Variants in HSF5 observed in about 807,000 individuals in gnomAD.
The protein encoded by HSF5 is heat shock transcription factor 5.
HSF5 carries 5 observed loss-of-function variants against 50.8 expected under a neutral mutation model. The ratio of observed to expected loss-of-function variants is 0.10; its 90% CI spans 0.05 to 0.21. The LOEUF (loss-of-function observed/expected upper bound fraction) is 0.21, where lower values mean the gene tolerates loss of function less well. HSF5 is among the 10% of genes least tolerant of loss of function. HSF5 has a pLI of 1.00. For missense variants in HSF5, 564 were observed against 762.6 expected (o/e 0.74, Z 3.07); for synonymous variants, 307 against 307.4 (o/e 1.00, Z 0.02).
chr17:58,477,116 C>CTTT (rs34246837), intron 2 of HSF5, among the ~76,000 whole-genome samples: 1 of 133,760 alleles, frequency 7.5e-6, no homozygotes, highest in Non-Finnish European at 1.6e-5. Context: ...TATATATATA[C>CTTT]TTTTTTTTTT....
intron 5 of HSF5, among the ~76,000 whole-genome samples, chr17:58,447,880 TG>T (rs1428219772): frequency 6.6e-6 from 1 of 152,182 alleles, no homozygotes; most frequent in Non-Finnish European, 1.5e-5. Flanking sequence ...CTGGGCGCAG[TG>T]GCTCATGCCT....
At chr17:58,454,120 C>T (rs1451593683) in intron 5 of HSF5, among the ~76,000 whole-genome samples, 1 of 152,014 alleles carries the variant, frequency 6.6e-6, no homozygotes, top group Non-Finnish European at 1.5e-5. Context: ...AAACCAGAGA[C>T]CTTTGTTCAC....
rs1365861649 is a variant in HSF5 at position 58,421,845 on chromosome 17, C to T, written c.*515G>A. The T allele has an allele frequency of 6.5e-6, 1 of 152,684 alleles. No individual in the cohort carries two copies. Among genetic ancestry groups the T allele is most frequent in the African/African-American group, 2.4e-5 (1 of 41,432 alleles). 9.5% of individuals were successfully genotyped at this position (152,684 alleles called of 1,614,324 possible). A position where few individuals can be genotyped will look rare whatever the true frequency, so the allele number is the denominator to read the frequency against. On this transcript the variant is annotated 3_prime_UTR_variant, in exon 6 of 6. Coordinates refer to ENST00000323777, the MANE Select transcript of HSF5 (RefSeq NM_001080439.3). ...ATCACTTAGAAAATTAGCTCTTCTC[C>T]AGAGTTTCTTCCCTGGAATTCCTGA...
intron 5 of HSF5, among the ~76,000 whole-genome samples, chr17:58,452,876 A>T (rs1255712537): frequency 1.0e-4 from 2 of 19,782 alleles, no homozygotes; most frequent in African/African-American, 3.1e-4. Context: ...TGGGGAAGAT[A>T]AAAAAAAAAA....
At chr17:58,455,419 G>A (rs777922595) in intron 5 of HSF5, among the ~76,000 whole-genome samples, 9 of 152,012 alleles carry the variant, frequency 5.9e-5, no homozygotes, top group Non-Finnish European at 1.2e-4. Context: ...TGGACTGGGC[G>A]AGGACTTTTT....
intron 5 of HSF5, among the ~76,000 whole-genome samples, chr17:58,431,753 T>C (rs1974367497): frequency 6.6e-6 from 1 of 152,198 alleles, no homozygotes; most frequent in Admixed American, 6.5e-5. Flanking sequence ...CCTAGCACAG[T>C]ACCAAGCCCA....
At chr17:58,465,846 C>T (rs1974859009) in intron 3 of HSF5, among the ~76,000 whole-genome samples, 1 of 152,094 alleles carries the variant, frequency 6.6e-6, no homozygotes, top group Admixed American at 6.6e-5. Flanking sequence ...GCAAGTGTCT[C>T]CTAAGAAACA....
chr17:58,488,074 G>C lies in HSF5; in HGVS notation c.201C>G (p.Ala67=). ...TGGTGGTTTTGAAGAGCTCGGGCTC[G>C]GCCCCGGCCCCCGCAGTCCCGCCAC... is the stretch of plus-strand genomic sequence containing the variant. ...GGGGGTAGAG[A]EPELFKTTSF... is the part of the protein sequence containing the mutation. Residue 67 remains alanine, a synonymous_variant, in exon 1 of 6, where the codon GCC becomes GCG. Transcript: ENST00000323777. The surrounding 1 kb of genome is among the most constrained non-coding windows in gnomAD (Gnocchi z 4.1). The C allele has an allele frequency of 6.3e-7, 1 of 1,585,388 alleles. No individual in the cohort carries two copies. The highest frequency in any genetic ancestry group is 8.5e-7 in the Non-Finnish European group (1 of 1,171,138).
intron 5 of HSF5, among the ~76,000 whole-genome samples, chr17:58,423,566 G>A (rs1317796752): frequency 6.8e-5 from 9 of 132,390 alleles, no homozygotes; most frequent in South Asian, 2.6e-4. Flanking sequence ...AGCAAACTCC[G>A]CCTCCCGGGT....
At chr17:58,451,990 C>T (rs1330664881) in intron 5 of HSF5, among the ~76,000 whole-genome samples, 1 of 149,860 alleles carries the variant, frequency 6.7e-6, no homozygotes, top group African/African-American at 2.5e-5. Context: ...TGACTCATGC[C>T]TGCAATGCAC....
At chr17:58,483,927 G>C (rs567894576) in intron 1 of HSF5, among the ~76,000 whole-genome samples, 18 of 152,112 alleles carry the variant, frequency 1.2e-4, no homozygotes, top group Admixed American at 3.3e-4. Flanking sequence ...AGCAGTAGCA[G>C]TGTAGTCAGG....
intron 5 of HSF5, among the ~76,000 whole-genome samples, chr17:58,452,812 C>T (rs1033184649): frequency 6.6e-6 from 1 of 152,158 alleles, no homozygotes; most frequent in Non-Finnish European, 1.5e-5. Flanking sequence ...TTCTGCCCTC[C>T]CCAAGTTTGC....
chr17:58,476,640 T>G, intron 2 of HSF5: 1 of 1,552,208 alleles, frequency 6.4e-7, no homozygotes, highest in East Asian at 2.2e-5. Context: ...AATAATGCAG[T>G]GCCTCTTCGT....
intron 5 of HSF5, among the ~76,000 whole-genome samples, chr17:58,439,980 A>AT (rs1000195954): frequency 2.3e-3 from 339 of 148,676 alleles, no homozygotes; most frequent in African/African-American, 7.1e-3. Context: ...AGAGGTAAGA[A>AT]TTTTTTTTTT....
intron 2 of HSF5, among the ~76,000 whole-genome samples, chr17:58,475,530 T>C (rs1044955647): frequency 6.6e-5 from 10 of 152,170 alleles, no homozygotes; most frequent in Non-Finnish European, 1.5e-4. Context: ...AAGTGTCAAA[T>C]TGCAAAGGAT....
intron 2 of HSF5, chr17:58,476,428 T>C: frequency 9.5e-7 from 1 of 1,057,980 alleles, no homozygotes. Context: ...GGCTTTATTC[T>C]GAGTTTAACT....
At position 58,487,843 on chromosome 17, in the gene HSF5, C is replaced by A. The variant is rs1015357231; in HGVS notation, c.432G>T (p.Val144=). The stretch of plus-strand genomic sequence containing the variant: ...GGAAGCGGTTGGGCGGGCGGCAGGG[C>A]ACCTCCAGGCCGGCCGCCAGCTTGG... ...NKAKLAAGLE[V]PCRPPNRFQR... The change falls in exon 1 of 6, where the codon GTG becomes GTT. Residue 144 remains valine (V), a synonymous_variant. Transcript: ENST00000323777. The A allele has an allele frequency of 6.3e-7, 1 of 1,585,762 alleles. No individual in the cohort carries two copies. The highest frequency in any genetic ancestry group is 8.5e-7 in the Non-Finnish European group (1 of 1,172,614).
intron 1 of HSF5, among the ~76,000 whole-genome samples, chr17:58,480,863 C>CTCTA (rs1567919300): frequency 6.6e-6 from 1 of 152,118 alleles, no homozygotes; most frequent in Non-Finnish European, 1.5e-5. Context: ...TCTTGGCTCA[C>CTCTA]TCTAGCCTCA....
intron 5 of HSF5, among the ~76,000 whole-genome samples, chr17:58,439,356 T>C (rs1974469832): frequency 6.6e-6 from 1 of 151,026 alleles, no homozygotes; most frequent in Non-Finnish European, 1.5e-5. Context: ...GGAAACAACT[T>C]CAAAACCAGC....
Sources: allele counts gnomAD v4.1 joint callset (sites outside exome capture counted in the v4.1 genomes callset), GRCh38; gene constraint gnomAD v4.1.1; non-coding constraint Gnocchi (gnomAD v3.1); transcripts MANE v1.5; gene names NCBI Gene and HGNC (gene_info 2026-07-23, HGNC 2026-07-21).